The following AFG2A variants were observed in gnomAD, a reference collection of about 807,000 sequenced individuals.
AFG2A encodes AAA ATPase AFG2A.
At chr4:122,927,767 CTT>C in the AFG2A span, 1 of 1,610,716 alleles carries the variant, frequency 6.2e-7, no homozygotes, top group South Asian at 1.1e-5. Context: ...AGGTAAGAGT[CTT>C]TTTCATTTCC....
chr4:123,132,597 C>CATATATATATATATAT, the AFG2A span, among the ~76,000 whole-genome samples: 689 of 140,326 alleles, frequency 4.9e-3, 9 homozygotes, highest in African/African-American at 0.016. Flanking sequence ...GATGTGTGTA[C>CATATATATATATATAT]ATATATATAT....
the AFG2A span, among the ~76,000 whole-genome samples, chr4:122,994,240 A>G: frequency 0.041 from 6,196 of 152,228 alleles, 406 homozygotes; most frequent in African/African-American, 0.14. Flanking sequence ...AAAAATGCCT[A>G]TAATAGTACT....
chr4:123,178,203 A>G, the AFG2A span, among the ~76,000 whole-genome samples: 63 of 152,328 alleles, frequency 4.1e-4, no homozygotes, highest in South Asian at 3.7e-3. Flanking sequence ...TAGTGTAACC[A>G]TCACTGGAAT....
the AFG2A span, among the ~76,000 whole-genome samples, chr4:123,001,981 G>A: frequency 6.6e-6 from 1 of 152,094 alleles, no homozygotes; most frequent in Non-Finnish European, 1.5e-5. Context: ...TATGAATCTG[G>A]GTGCTCTTGT....
At chr4:123,041,758 C>A in the AFG2A span, among the ~76,000 whole-genome samples, 1 of 150,264 alleles carries the variant, frequency 6.7e-6, no homozygotes, top group African/African-American at 2.4e-5. Context: ...GAACTCCTGA[C>A]CTTAGGTGAT....
the AFG2A span, among the ~76,000 whole-genome samples, chr4:122,983,346 T>C: frequency 9.2e-4 from 140 of 152,298 alleles, no homozygotes; most frequent in African/African-American, 3.3e-3. Flanking sequence ...TTCCTTCTGC[T>C]AACTCTGAAC....
At chr4:123,258,722 G>T in the AFG2A span, among the ~76,000 whole-genome samples, 1 of 151,866 alleles carries the variant, frequency 6.6e-6, no homozygotes, top group Non-Finnish European at 1.5e-5. Context: ...CAAGAATTTG[G>T]GCAGGAAAGC....
the AFG2A span, among the ~76,000 whole-genome samples, chr4:123,151,827 G>A: frequency 4.6e-5 from 7 of 152,194 alleles, no homozygotes; most frequent in South Asian, 2.1e-4. Context: ...ACATGCACAC[G>A]TATGTTTATT....
chr4:123,169,565 C>T, the AFG2A span, among the ~76,000 whole-genome samples: 1 of 152,170 alleles, frequency 6.6e-6, no homozygotes, highest in Non-Finnish European at 1.5e-5. Context: ...GCAACCTCTG[C>T]TTCCCGGGCT....
chr4:122,923,379 C>A, the AFG2A span: 1 of 1,581,666 alleles, frequency 6.3e-7, no homozygotes, highest in Non-Finnish European at 8.6e-7. Context: ...GTGATACTGA[C>A]TTGGGGTGCA....
the AFG2A span, among the ~76,000 whole-genome samples, chr4:122,966,899 G>A: frequency 6.6e-6 from 1 of 152,128 alleles, no homozygotes; most frequent in Non-Finnish European, 1.5e-5. Flanking sequence ...ATGTCTAGGA[G>A]GTTCTTGTTG....
chr4:123,082,144 C>T, the AFG2A span, among the ~76,000 whole-genome samples: 1 of 152,068 alleles, frequency 6.6e-6, no homozygotes, highest in African/African-American at 2.4e-5. Flanking sequence ...TAATGGCCAG[C>T]TTATCAGTTG....
the AFG2A span, among the ~76,000 whole-genome samples, chr4:123,032,347 T>C: frequency 9.9e-5 from 15 of 152,172 alleles, no homozygotes; most frequent in South Asian, 6.2e-4. Context: ...TTTACAATGG[T>C]GTGAAAGTGA....
the AFG2A span, among the ~76,000 whole-genome samples, chr4:123,172,372 C>T: frequency 2.0e-5 from 3 of 152,252 alleles, no homozygotes; most frequent in East Asian, 5.8e-4. Flanking sequence ...ATAGTCTTTG[C>T]ATGATAAATT....
chr4:123,263,047 C>T, the AFG2A span, among the ~76,000 whole-genome samples: 2 of 152,148 alleles, frequency 1.3e-5, no homozygotes, highest in African/African-American at 4.8e-5. Flanking sequence ...GGGGATGAAG[C>T]AGAAAAAGTA....
chr4:123,045,767 A>T, the AFG2A span, among the ~76,000 whole-genome samples: 1 of 152,032 alleles, frequency 6.6e-6, no homozygotes, highest in East Asian at 1.9e-4. Context: ...CTGTTAAGTT[A>T]ATATTTTGTG....
the AFG2A span, among the ~76,000 whole-genome samples, chr4:123,136,686 AT>A: frequency 4.0e-5 from 6 of 149,460 alleles, no homozygotes; most frequent in Admixed American, 6.7e-5. Context: ...AAAAAAAAAA[AT>A]ATATATTAGC....
At chr4:122,929,585 A>G in the AFG2A span, among the ~76,000 whole-genome samples, 3 of 152,054 alleles carry the variant, frequency 2.0e-5, no homozygotes, top group Non-Finnish European at 1.5e-5. Flanking sequence ...TGTAGTCCCA[A>G]CTATTTGGGA....
chr4:123,299,621 C>T, the AFG2A span, among the ~76,000 whole-genome samples: 1 of 152,154 alleles, frequency 6.6e-6, no homozygotes, highest in Non-Finnish European at 1.5e-5. Flanking sequence ...TGCTCAGTTA[C>T]AAATGTCTGC....
Sources: gnomAD v4.1 joint callset for allele counts (sites outside exome capture counted in the v4.1 genomes callset) on GRCh38, gnomAD v4.1.1 for gene constraint, MANE v1.5 for transcripts, NCBI Gene and HGNC (gene_info 2026-07-23, HGNC 2026-07-21) for gene names.